The following OPHN1 variants were observed in gnomAD, a reference collection of about 807,000 sequenced individuals.
OPHN1 encodes oligophrenin 1.
A neutral mutation model predicts 60.7 loss-of-function variants in OPHN1; 11 were observed. The observed-to-expected ratio is 0.18, with a 90% CI of 0.11 to 0.30. The LOEUF (loss-of-function observed/expected upper bound fraction) is 0.30. Among genes scored for constraint, OPHN1 ranks in the 10% least tolerant of loss-of-function variants. The pLI, the probability that OPHN1 is intolerant of heterozygous loss-of-function variation, is 1.00. For synonymous variants in OPHN1, 226 were observed against 222.6 expected, an observed-to-expected ratio of 1.02 and a Z score of -0.14; for missense variants, 449 against 611.0, an observed-to-expected ratio of 0.73 and a Z score of 2.80.
At chrX:68,272,912 AT>A (rs1321330649) in intron 5 of OPHN1, among the ~76,000 whole-genome samples, 1 of 112,119 alleles carries the variant, frequency 8.9e-6, no homozygotes, top group African/African-American at 3.2e-5. Context: ...CTCAGTTGTA[AT>A]TTTAAATATA....
intron 19 of OPHN1, among the ~76,000 whole-genome samples, chrX:68,090,088 T>C (rs992466319): frequency 9.0e-6 from 1 of 111,677 alleles, no homozygotes; most frequent in African/African-American, 3.3e-5. Context: ...CTAATGAAAA[T>C]ATCCTTACAT....
intron 10 of OPHN1, among the ~76,000 whole-genome samples, chrX:68,205,959 TGTGTGTGTGA>T (rs780603978): frequency 9.7e-4 from 74 of 76,615 alleles, no homozygotes; most frequent in African/African-American, 2.8e-3. Flanking sequence ...TGTGTGTATC[TGTGTGTGTGA>T]GTGTGTGTGA....
intron 6 of OPHN1, among the ~76,000 whole-genome samples, chrX:68,219,620 C>A (rs1182362823): frequency 1.6e-4 from 18 of 110,896 alleles, no homozygotes; most frequent in African/African-American, 2.9e-4. Flanking sequence ...CTCAGGATTA[C>A]GAATCTCACT....
At chrX:68,429,195 G>C (rs764112321) in intron 2 of OPHN1, among the ~76,000 whole-genome samples, 22 of 110,436 alleles carry the variant, frequency 2.0e-4, no homozygotes, top group Non-Finnish European at 3.2e-4. Context: ...GCCAAGGGGG[G>C]GCGGACTGCC....
intron 23 of OPHN1, among the ~76,000 whole-genome samples, chrX:68,051,556 C>G (rs1268119458): frequency 8.9e-6 from 1 of 111,896 alleles, no homozygotes; most frequent in African/African-American, 3.3e-5. Flanking sequence ...TTGAGAACCA[C>G]TGCCTAAGTC....
intron 2 of OPHN1, among the ~76,000 whole-genome samples, chrX:68,367,730 G>T (rs1410656072): frequency 1.8e-5 from 2 of 111,564 alleles, no homozygotes; most frequent in Non-Finnish European, 3.8e-5. Context: ...ATTGAATCAT[G>T]GGGGCAGTTT....
intron 5 of OPHN1, among the ~76,000 whole-genome samples, chrX:68,251,400 G>A (rs909787060): frequency 1.8e-5 from 2 of 108,702 alleles, no homozygotes; most frequent in Non-Finnish European, 3.8e-5. Flanking sequence ...TGGCCAAGAT[G>A]GTCTCGATCT....
At chrX:68,361,175 TGAG>T (rs1227797170) in intron 2 of OPHN1, 1 of 111,473 alleles carries the variant, frequency 9.0e-6, no homozygotes, top group African/African-American at 3.3e-5. Flanking sequence ...CTACTGCACT[TGAG>T]TAGTCTTAAA....
At chrX:68,289,024 T>G (rs141663863) in intron 3 of OPHN1, among the ~76,000 whole-genome samples, 1 of 111,055 alleles carries the variant, frequency 9.0e-6, no homozygotes. Context: ...GAGAGAATAG[T>G]CATTAAGGAG....
In OPHN1 at chrX:68,098,131, T is replaced by C. The variant is rs149731099; in HGVS notation, c.1527-1102A>G. ...CCCCCCTCTCCCTACATCTACAAAA[T>C]GTCTATCTATCCTTGGAGATGCACA... On this transcript the variant is annotated intron_variant, in intron 18 of 24. Coordinates refer to ENST00000355520, the MANE Select transcript of OPHN1 (RefSeq NM_002547.3). Among the ~76,000 whole-genome samples the C allele has an allele frequency of 2.0e-3, 224 of 110,726 alleles. 1 individual carries two copies. Among genetic ancestry groups the C allele is most frequent in the Non-Finnish European group, 3.5e-3 (186 of 52,904 alleles).
intron 15 of OPHN1, among the ~76,000 whole-genome samples, chrX:68,126,152 A>G (rs1412045062): frequency 1.8e-5 from 2 of 108,127 alleles, no homozygotes; most frequent in African/African-American, 6.7e-5. Context: ...CTATAATTTC[A>G]ATTGTTACTG....
intron 15 of OPHN1, among the ~76,000 whole-genome samples, chrX:68,126,424 A>G (rs998591391): frequency 9.0e-6 from 1 of 110,812 alleles, no homozygotes; most frequent in African/African-American, 3.3e-5. Flanking sequence ...GAGAATGGCA[A>G]TTCCAGATTT....
intron 2 of OPHN1, among the ~76,000 whole-genome samples, chrX:68,388,466 A>T (rs2078635934): frequency 9.2e-6 from 1 of 108,963 alleles, no homozygotes; most frequent in African/African-American, 3.3e-5. Flanking sequence ...TCTCAAAAAA[A>T]AAAAAAAAGA....
intron 2 of OPHN1, among the ~76,000 whole-genome samples, chrX:68,335,620 T>C (rs1311331713): frequency 1.8e-5 from 2 of 111,845 alleles, no homozygotes; most frequent in Non-Finnish European, 1.9e-5. Flanking sequence ...ACCCTGTGGT[T>C]ATAGTCCTTG....
At chrX:68,158,998 A>G (rs1164010273) in intron 15 of OPHN1, among the ~76,000 whole-genome samples, 1 of 111,494 alleles carries the variant, frequency 9.0e-6, no homozygotes, top group Non-Finnish European at 1.9e-5. Context: ...TTTTTACCCA[A>G]TGTCCTCTTC....
At chrX:68,390,614 A>T (rs1333364007) in intron 2 of OPHN1, among the ~76,000 whole-genome samples, 1 of 111,529 alleles carries the variant, frequency 9.0e-6, no homozygotes, top group African/African-American at 3.3e-5. Flanking sequence ...AAAGTTAGAT[A>T]AATTGTGGTG....
At chrX:68,176,964 T>TTATATA (rs1355428325) in intron 15 of OPHN1, among the ~76,000 whole-genome samples, 2 of 76,479 alleles carry the variant, frequency 2.6e-5, no homozygotes, top group African/African-American at 1.2e-4. Flanking sequence ...CATATTGTTT[T>TTATATA]TATATATACA....
At chrX:68,054,161 G>C (rs1209328812) in intron 21 of OPHN1, among the ~76,000 whole-genome samples, 1 of 110,176 alleles carries the variant, frequency 9.1e-6, no homozygotes, top group African/African-American at 3.3e-5. Flanking sequence ...GCAGGGCCAG[G>C]TACATAGTAG....
intron 15 of OPHN1, among the ~76,000 whole-genome samples, chrX:68,177,672 AT>A (rs1301435055): frequency 9.0e-6 from 1 of 111,294 alleles, no homozygotes; most frequent in Non-Finnish European, 1.9e-5. Flanking sequence ...TTGACACTTC[AT>A]GTGGCCAGAA....
Sources: allele counts gnomAD v4.1 joint callset (sites outside exome capture counted in the v4.1 genomes callset), GRCh38; gene constraint gnomAD v4.1.1; transcripts MANE v1.5; gene names NCBI Gene and HGNC (gene_info 2026-07-23, HGNC 2026-07-21).